RAD51B: variants seen among roughly 807,000 people sequenced by gnomAD.
RAD51B encodes the protein DNA repair protein RAD51 homolog 2.
In RAD51B, 38 loss-of-function variants were observed where a neutral mutation model predicts 42.2. That is an observed-to-expected ratio of 0.90 (90% CI 0.70 to 1.18). RAD51B has a LOEUF of 1.18. RAD51B is among the 50% of genes most tolerant of loss of function. RAD51B has a pLI of 0.00. For missense variants in RAD51B, 373 were observed against 400.7 expected (o/e 0.93, Z 0.59); for synonymous variants, 154 against 145.2 (o/e 1.06, Z -0.43).
intron 7 of RAD51B, among the ~76,000 whole-genome samples, chr14:67,937,851 T>G (rs1429785113): frequency 6.6e-6 from 1 of 152,170 alleles, no homozygotes; most frequent in Non-Finnish European, 1.5e-5. Flanking sequence ...TGAGTTACAT[T>G]AAGAAATGGG....
chr14:68,034,193 C>A (rs1481395741), intron 7 of RAD51B, among the ~76,000 whole-genome samples: 1 of 151,650 alleles, frequency 6.6e-6, no homozygotes, highest in Non-Finnish European at 1.5e-5. Context: ...TACTGGAATA[C>A]AGGATTTGTC....
chr14:68,590,623 A>C (rs991253747), intron 10 of RAD51B, among the ~76,000 whole-genome samples: 1 of 152,174 alleles, frequency 6.6e-6, no homozygotes, highest in African/African-American at 2.4e-5. Context: ...TGCAGGTATA[A>C]ATAAATCTAC....
intron 10 of RAD51B, among the ~76,000 whole-genome samples, chr14:68,473,283 A>G (rs1882243890): frequency 6.6e-6 from 1 of 152,224 alleles, no homozygotes. Flanking sequence ...CCTCTCCCAG[A>G]GGTCATGGAG....
intron 7 of RAD51B, among the ~76,000 whole-genome samples, chr14:68,242,945 A>T (rs927609271): frequency 1.6e-4 from 25 of 152,184 alleles, no homozygotes; most frequent in African/African-American, 5.8e-4. Flanking sequence ...AAAGGAGCTG[A>T]TGCTAGAGGC....
chr14:68,344,625 C>T (rs1468783708), intron 8 of RAD51B, among the ~76,000 whole-genome samples: 4 of 148,970 alleles, frequency 2.7e-5, no homozygotes, highest in Non-Finnish European at 3.0e-5. Flanking sequence ...CCAGCCTGGG[C>T]GACAGAGCGA....
intron 8 of RAD51B, among the ~76,000 whole-genome samples, chr14:68,320,843 A>G (rs924011274): frequency 3.9e-5 from 6 of 152,286 alleles, no homozygotes; most frequent in Non-Finnish European, 8.8e-5. Flanking sequence ...AAGTATCCCA[A>G]TAGCATTTCT....
intron 9 of RAD51B, among the ~76,000 whole-genome samples, chr14:68,414,368 A>G (rs1297662285): frequency 1.3e-5 from 2 of 151,722 alleles, no homozygotes; most frequent in Non-Finnish European, 2.9e-5. Context: ...CTCTTTTCCT[A>G]CTCTGCTTCA....
At chr14:67,981,281 GAAA>G (rs1436004072) in intron 7 of RAD51B, among the ~76,000 whole-genome samples, 1 of 152,108 alleles carries the variant, frequency 6.6e-6, no homozygotes, top group East Asian at 1.9e-4. Context: ...AAAAATAAAA[GAAA>G]AAAATAAAAT....
At chr14:68,375,040 C>G (rs1816847108) in intron 8 of RAD51B, among the ~76,000 whole-genome samples, 1 of 151,690 alleles carries the variant, frequency 6.6e-6, no homozygotes. Context: ...ATCCATTTCT[C>G]CTGCTTGGAA....
chr14:68,371,853 A>T (rs2083271966), intron 8 of RAD51B, among the ~76,000 whole-genome samples: 1 of 152,278 alleles, frequency 6.6e-6, no homozygotes, highest in Admixed American at 6.5e-5. Context: ...CCTGTCTCAA[A>T]AAATAAATAA....
chr14:68,222,147 T>G (rs2079942088), intron 7 of RAD51B, among the ~76,000 whole-genome samples: 1 of 152,168 alleles, frequency 6.6e-6, no homozygotes, highest in South Asian at 2.1e-4. Context: ...CTTAAAGAAC[T>G]AAAAGTAGAT....
In RAD51B at chr14:68,121,107, G is replaced by A. The variant is rs181526362; in HGVS notation, c.757-170777G>A. ...TGAGATCATGAAATTATCTCTTTAC[G>A]CACTGGAAGTTATTTTTTTCTCTCG... On this transcript the variant is annotated intron_variant, in intron 7 of 10. Transcript: ENST00000471583. 4.5e-3 allele frequency among the ~76,000 whole-genome samples: 690 copies of A among 152,168 alleles called. 1 individual carries two copies. Among genetic ancestry groups the A allele is most frequent in the Non-Finnish European group, 5.9e-3 (404 of 67,986 alleles).
chr14:68,260,157 C>A (rs530988468), intron 7 of RAD51B, among the ~76,000 whole-genome samples: 12 of 152,104 alleles, frequency 7.9e-5, no homozygotes, highest in Non-Finnish European at 1.3e-4. Context: ...AGACCTAAGT[C>A]ATGAGAAGCA....
At position 67,956,921 on chromosome 14, in the gene RAD51B, G is replaced by A. The variant is rs1320271357; in HGVS notation, c.756+69717G>A. ...ACTTCTGTTGGGTAGTGCAGCTCTA[G>A]AGCTATAGAACATATTTTAATTGTT... On this transcript the variant is annotated intron_variant, in intron 7 of 10. Transcript: ENST00000471583. Among the ~76,000 whole-genome samples the A allele has an allele frequency of 2.6e-5, 4 of 152,346 alleles. No individual in the cohort carries two copies. The East Asian group carries it at 7.7e-4, about 29-fold the overall frequency.
chr14:68,364,007 C>T (rs1240144866), intron 8 of RAD51B, among the ~76,000 whole-genome samples: 1 of 152,188 alleles, frequency 6.6e-6, no homozygotes, highest in Non-Finnish European at 1.5e-5. Context: ...AGAGCGAGGC[C>T]TCCACGGGCT....
chr14:68,507,128 A>G (rs1885388725), intron 10 of RAD51B, among the ~76,000 whole-genome samples: 1 of 152,162 alleles, frequency 6.6e-6, no homozygotes, highest in Non-Finnish European at 1.5e-5. Flanking sequence ...TGAAGTACAC[A>G]TGAAATCAAT....
intron 10 of RAD51B, among the ~76,000 whole-genome samples, chr14:68,556,670 G>T (rs1031333000): frequency 6.6e-6 from 1 of 152,186 alleles, no homozygotes; most frequent in Admixed American, 6.5e-5. Context: ...TGGCCTCTCA[G>T]GAAACCCTAC....
intron 7 of RAD51B, among the ~76,000 whole-genome samples, chr14:67,943,966 A>G (rs892505733): frequency 6.6e-6 from 1 of 152,056 alleles, no homozygotes; most frequent in Non-Finnish European, 1.5e-5. Context: ...AAAGTGACGG[A>G]TTCTGAATTT....
chr14:68,262,195 G>A (rs2080904288), intron 7 of RAD51B, among the ~76,000 whole-genome samples: 1 of 152,212 alleles, frequency 6.6e-6, no homozygotes, highest in African/African-American at 2.4e-5. Flanking sequence ...GGAGGAAAGA[G>A]TAGCAGTGTG....
Sources: gnomAD v4.1 joint callset for allele counts (sites outside exome capture counted in the v4.1 genomes callset) on GRCh38, gnomAD v4.1.1 for gene constraint, MANE v1.5 for transcripts, NCBI Gene and HGNC (gene_info 2026-07-23, HGNC 2026-07-21) for gene names.